SOX5: variants seen among roughly 807,000 people sequenced by gnomAD.
The protein encoded by SOX5 is SRY-box transcription factor 5, also known as transcription factor SOX-5.
In SOX5, 9 loss-of-function variants were observed where a neutral mutation model predicts 92.0. The ratio of observed to expected loss-of-function variants is 0.10; its 90% CI spans 0.06 to 0.17. SOX5 has a LOEUF of 0.17. Among genes scored for constraint, SOX5 ranks in the 10% least tolerant of loss-of-function variants. SOX5 has a pLI of 1.00. For missense variants in SOX5, 642 were observed against 944.5 expected, an observed-to-expected ratio of 0.68 and a Z score of 4.20; for synonymous variants, 344 against 336.3, an observed-to-expected ratio of 1.02 and a Z score of -0.25.
intron 3 of SOX5, among the ~76,000 whole-genome samples, chr12:23,779,031 C>T (rs1375751337): frequency 6.6e-6 from 1 of 152,142 alleles, no homozygotes; most frequent in Admixed American, 6.5e-5. Context: ...AGCAGAGAAA[C>T]TATTCTAAGC....
intron 1 of SOX5, among the ~76,000 whole-genome samples, chr12:24,392,683 C>A (rs1029164723): frequency 1.3e-5 from 2 of 151,996 alleles, no homozygotes; most frequent in African/African-American, 4.8e-5. Context: ...CATCTCTACC[C>A]CTAGAACCCA....
At chr12:24,407,237 C>T (rs994062954) in intron 1 of SOX5, among the ~76,000 whole-genome samples, 2 of 152,008 alleles carry the variant, frequency 1.3e-5, no homozygotes, top group Non-Finnish European at 2.9e-5. Context: ...TCGAGGTGTG[C>T]CCCGGCAGCA....
chr12:24,502,853 G>A (rs202168327), intron 1 of SOX5, among the ~76,000 whole-genome samples: 4 of 152,064 alleles, frequency 2.6e-5, no homozygotes, highest in East Asian at 3.9e-4. Flanking sequence ...TCAATTTTAC[G>A]GTATTCTGGC....
intron 3 of SOX5, among the ~76,000 whole-genome samples, chr12:23,808,774 A>C (rs1237838627): frequency 2.6e-5 from 4 of 152,100 alleles, no homozygotes; most frequent in Non-Finnish European, 5.9e-5. Context: ...GACACTTAGA[A>C]TGTCTTTAGT....
intron 4 of SOX5, among the ~76,000 whole-genome samples, chr12:24,106,790 C>CT (rs1946724216): frequency 1.1e-5 from 1 of 94,140 alleles, no homozygotes; most frequent in African/African-American, 4.5e-5. Flanking sequence ...AGACTCGTCT[C>CT]AAATAATAAT....
At chr12:23,551,296 G>A (rs1944165649) in intron 11 of SOX5, among the ~76,000 whole-genome samples, 1 of 151,776 alleles carries the variant, frequency 6.6e-6, no homozygotes, top group South Asian at 2.1e-4. Flanking sequence ...ATGTCATAAC[G>A]ATTTATCAGT....
chr12:23,565,588 T>C (rs1381844666), intron 10 of SOX5, among the ~76,000 whole-genome samples: 1 of 152,146 alleles, frequency 6.6e-6, no homozygotes, highest in African/African-American at 2.4e-5. Context: ...ATGATTAATA[T>C]AGATGCAAGA....
chr12:24,265,390 A>G (rs947704975), intron 3 of SOX5, among the ~76,000 whole-genome samples: 3 of 152,106 alleles, frequency 2.0e-5, no homozygotes, highest in Non-Finnish European at 4.4e-5. Flanking sequence ...AAAAATACAA[A>G]AAAGTTATCT....
chr12:24,138,159 A>T (rs1950267994), intron 4 of SOX5, among the ~76,000 whole-genome samples: 1 of 152,248 alleles, frequency 6.6e-6, no homozygotes, highest in African/African-American at 2.4e-5. Context: ...TTTGCCACTT[A>T]GAACAATGTC....
At chr12:23,781,751 C>T (rs2141781020) in intron 3 of SOX5, among the ~76,000 whole-genome samples, 1 of 152,106 alleles carries the variant, frequency 6.6e-6, no homozygotes, top group South Asian at 2.1e-4. Flanking sequence ...TTCTTTAGAA[C>T]ACAATCAGTC....
intron 14 of SOX5, among the ~76,000 whole-genome samples, chr12:23,535,065 T>G (rs1240521607): frequency 1.3e-5 from 2 of 152,210 alleles, no homozygotes; most frequent in Non-Finnish European, 2.9e-5. Context: ...ACATGTGTTG[T>G]CCATCTTATT....
At chr12:24,413,727 G>A (rs922496090) in intron 1 of SOX5, among the ~76,000 whole-genome samples, 8 of 152,156 alleles carry the variant, frequency 5.3e-5, no homozygotes, top group Non-Finnish European at 8.8e-5. Flanking sequence ...CCCAGTCATC[G>A]ATATTATTGC....
intron 1 of SOX5, among the ~76,000 whole-genome samples, chr12:24,453,127 G>A (rs1022830670): frequency 6.6e-6 from 1 of 152,110 alleles, no homozygotes; most frequent in Non-Finnish European, 1.5e-5. Flanking sequence ...CTATTGAAGA[G>A]TAGAAATTGG....
chr12:24,040,112 A>T (rs372050552), intron 4 of SOX5, among the ~76,000 whole-genome samples: 8 of 152,208 alleles, frequency 5.3e-5, no homozygotes, highest in East Asian at 3.8e-4. Context: ...TTATGTTAAC[A>T]TTATTTTCCC....
chr12:24,370,778 C>T (rs1195076856), intron 1 of SOX5, among the ~76,000 whole-genome samples: 2 of 152,242 alleles, frequency 1.3e-5, no homozygotes, highest in East Asian at 3.9e-4. Context: ...GATGACAGAA[C>T]AAGATTCTGT....
chr12:24,518,484 G>T (rs963097228), intron 1 of SOX5, among the ~76,000 whole-genome samples: 1 of 151,984 alleles, frequency 6.6e-6, no homozygotes, highest in Non-Finnish European at 1.5e-5. Flanking sequence ...GAACAAAAAG[G>T]TCATTTTTCT....
At chr12:23,534,704 CT>C (rs60460683) in intron 14 of SOX5, among the ~76,000 whole-genome samples, 182 bp from the exon 15 acceptor site, 28,026 of 108,730 alleles carry the variant, frequency 0.26, 2,173 homozygotes, top group East Asian at 0.4. Flanking sequence ...CTTTTCTTTT[CT>C]TTTTTTTTTT....
chr12:23,830,432 C>T (rs1287569312), intron 3 of SOX5, among the ~76,000 whole-genome samples: 2 of 152,004 alleles, frequency 1.3e-5, no homozygotes, highest in Non-Finnish European at 2.9e-5. Context: ...CCAACAGCAG[C>T]GGGAGTGTGA....
chr12:24,531,336 C>T (rs1050829332), intron 1 of SOX5, among the ~76,000 whole-genome samples: 3 of 152,104 alleles, frequency 2.0e-5, no homozygotes, highest in Non-Finnish European at 2.9e-5. Context: ...GACAACTTAG[C>T]TCAGAATTAA....
Sources: allele counts gnomAD v4.1 joint callset (sites outside exome capture counted in the v4.1 genomes callset), GRCh38; gene constraint gnomAD v4.1.1; transcripts MANE v1.5; gene names NCBI Gene and HGNC (gene_info 2026-07-23, HGNC 2026-07-21).